TENM2: variants seen among roughly 807,000 people sequenced by gnomAD.
TENM2 encodes teneurin-2.
TENM2 carries 52 observed loss-of-function variants against 245.2 expected under a neutral mutation model. The observed-to-expected ratio is 0.21, with a 90% confidence interval of 0.17 to 0.27. TENM2 has a LOEUF of 0.27. TENM2 is among the 10% of genes least tolerant of loss of function. TENM2 has a pLI of 1.00. For missense variants in TENM2, 3,046 were observed against 3,666.8 expected, an observed-to-expected ratio of 0.83 and a Z score of 4.37; for synonymous variants, 1,363 against 1,438.9, an observed-to-expected ratio of 0.95 and a Z score of 1.19.
intron 2 of TENM2, among the ~76,000 whole-genome samples, chr5:167,600,268 TA>T (rs559241834): frequency 3.7e-4 from 56 of 151,972 alleles, no homozygotes; most frequent in Admixed American, 1.1e-3. Flanking sequence ...ATTTTTACAT[TA>T]AAAAAATATG....
chr5:167,544,709 C>T (rs1486899633), intron 2 of TENM2, among the ~76,000 whole-genome samples: 1 of 152,138 alleles, frequency 6.6e-6, no homozygotes, highest in Non-Finnish European at 1.5e-5. Context: ...ACTGGGTGCC[C>T]CTCCTGGGAG....
At chr5:167,169,913 C>T in the TENM2 span, among the ~76,000 whole-genome samples, 1 of 152,160 alleles carries the variant, frequency 6.6e-6, no homozygotes, top group Non-Finnish European at 1.5e-5. Context: ...GTAAGCATCA[C>T]AGCTCTTGAC....
At chr5:167,109,109 G>T in the TENM2 span, among the ~76,000 whole-genome samples, 1 of 152,002 alleles carries the variant, frequency 6.6e-6, no homozygotes, top group Non-Finnish European at 1.5e-5. Flanking sequence ...CTGAGTTTTT[G>T]ACTTTTTAAC....
chr5:167,364,188 TAAG>T (rs1251348802), intron 1 of TENM2, among the ~76,000 whole-genome samples: 1 of 152,050 alleles, frequency 6.6e-6, no homozygotes, highest in African/African-American at 2.4e-5. Flanking sequence ...TTTTTTATAT[TAAG>T]AAATCATGAA....
the TENM2 span, among the ~76,000 whole-genome samples, chr5:167,042,140 A>G: frequency 6.6e-6 from 1 of 152,352 alleles, no homozygotes; most frequent in Non-Finnish European, 1.5e-5. Context: ...AGCCCATTAC[A>G]TGAAGATACA....
chr5:167,275,143 T>C, the TENM2 span, among the ~76,000 whole-genome samples: 77 of 152,160 alleles, frequency 5.1e-4, no homozygotes, highest in African/African-American at 1.8e-3. Flanking sequence ...ATTGAATTGC[T>C]TTTGCACCTT....
intron 2 of TENM2, among the ~76,000 whole-genome samples, chr5:167,830,212 G>C (rs1768347922): frequency 6.6e-6 from 1 of 152,190 alleles, no homozygotes; most frequent in South Asian, 2.1e-4. Flanking sequence ...GAATGGACTG[G>C]ATTGTCAGCC....
At chr5:167,171,092 A>C in the TENM2 span, among the ~76,000 whole-genome samples, 1 of 152,056 alleles carries the variant, frequency 6.6e-6, no homozygotes, top group Admixed American at 6.6e-5. Flanking sequence ...CCATGTCTTT[A>C]ATGCAACTGA....
At chr5:167,987,091 T>C (rs989818715) in intron 4 of TENM2, among the ~76,000 whole-genome samples, 4 of 152,198 alleles carry the variant, frequency 2.6e-5, no homozygotes, top group Admixed American at 6.5e-5. Context: ...GCCTTATCTG[T>C]TTTTATAGAG....
At chr5:167,154,999 A>G in the TENM2 span, among the ~76,000 whole-genome samples, 2 of 152,324 alleles carry the variant, frequency 1.3e-5, no homozygotes, top group Admixed American at 6.5e-5. Flanking sequence ...GTATGAGCCT[A>G]ATTACATCAT....
intron 2 of TENM2, among the ~76,000 whole-genome samples, chr5:167,484,133 T>C (rs1238524541): frequency 6.6e-6 from 1 of 152,064 alleles, no homozygotes; most frequent in African/African-American, 2.4e-5. Flanking sequence ...GATCACAAGG[T>C]CAAGAGTTCG....
chr5:167,532,815 T>C (rs1771604512), intron 2 of TENM2, among the ~76,000 whole-genome samples: 1 of 97,144 alleles, frequency 1.0e-5, no homozygotes, highest in East Asian at 3.1e-4. Context: ...TGTGTGTATG[T>C]GTGTGTGTGT....
At chr5:167,452,793 A>T (rs541303624) in intron 2 of TENM2, among the ~76,000 whole-genome samples, 1 of 151,142 alleles carries the variant, frequency 6.6e-6, no homozygotes, top group South Asian at 2.1e-4. Flanking sequence ...GGGTAGGGGG[A>T]GCGGGGAGGG....
At chr5:167,930,281 A>T (rs879170373) in intron 3 of TENM2, among the ~76,000 whole-genome samples, 1 of 152,112 alleles carries the variant, frequency 6.6e-6, no homozygotes, top group Non-Finnish European at 1.5e-5. Flanking sequence ...ATTTTTTTTA[A>T]TCAAGGTGCT....
chr5:167,925,368 T>A lies in TENM2; in HGVS notation c.713-27220T>A, dbSNP rs1476972015. Reference sequence around the variant, plus strand: ...ATCATGGGTGTGACCTCCAGAGGGTTGAGGATTACCTGGAAAGGGGCACGA... The same window carrying A: ...ATCATGGGTGTGACCTCCAGAGGGTAGAGGATTACCTGGAAAGGGGCACGA... On this transcript the variant is annotated intron_variant, in intron 3 of 28. Transcript: ENST00000518659. Among the ~76,000 whole-genome samples the A allele has an allele frequency of 2.6e-5, 4 of 152,210 alleles. No homozygotes were observed. The East Asian group carries it at 7.7e-4, about 29-fold the overall frequency.
the TENM2 span, among the ~76,000 whole-genome samples, chr5:167,094,214 C>T: frequency 9.9e-5 from 15 of 152,018 alleles, no homozygotes; most frequent in African/African-American, 3.6e-4. Context: ...TAATAAACTA[C>T]ACATATTTAA....
At chr5:167,006,153 C>T in the TENM2 span, among the ~76,000 whole-genome samples, 32 of 152,140 alleles carry the variant, frequency 2.1e-4, no homozygotes, top group African/African-American at 6.7e-4. Flanking sequence ...TAAAATTGCA[C>T]GCACAATTCC....
chr5:167,065,135 G>A, the TENM2 span, among the ~76,000 whole-genome samples: 1 of 152,082 alleles, frequency 6.6e-6, no homozygotes, highest in Non-Finnish European at 1.5e-5. Flanking sequence ...TATACAATGA[G>A]TATTTAGCTC....
chr5:167,508,269 G>A (rs1288264288), intron 2 of TENM2, among the ~76,000 whole-genome samples: 1 of 152,020 alleles, frequency 6.6e-6, no homozygotes, highest in South Asian at 2.1e-4. Context: ...CTCCATCTCC[G>A]TTTAATGGAA....
Sources: gnomAD v4.1 joint callset for allele counts (sites outside exome capture counted in the v4.1 genomes callset) on GRCh38, gnomAD v4.1.1 for gene constraint, MANE v1.5 for transcripts, NCBI Gene and HGNC (gene_info 2026-07-23, HGNC 2026-07-21) for gene names.